The following FILIP1 variants were observed in gnomAD, a reference collection of about 807,000 sequenced individuals.
The protein encoded by FILIP1 is filamin A interacting protein 1.
A neutral mutation model predicts 102.1 loss-of-function variants in FILIP1; 61 were observed. The ratio of observed to expected loss-of-function variants is 0.60; its 90% CI spans 0.49 to 0.74. FILIP1 has a LOEUF of 0.74. Ranked by LOEUF, FILIP1 falls within the 30% of genes least tolerant of loss-of-function variation. The pLI, the probability that FILIP1 is intolerant of heterozygous loss-of-function variation, is 0.00. For missense variants in FILIP1, 1,314 were observed against 1,441.2 expected, an observed-to-expected ratio of 0.91 and a Z score of 1.43; for synonymous variants, 491 against 526.9, an observed-to-expected ratio of 0.93 and a Z score of 0.93.
At chr6:75,316,865 A>G (rs1271414674) in intron 4 of FILIP1, among the ~76,000 whole-genome samples, 1 of 152,190 alleles carries the variant, frequency 6.6e-6, no homozygotes, top group East Asian at 1.9e-4. Flanking sequence ...AAGTTGAAAC[A>G]AGTGAAATAA....
chr6:75,467,335 G>A (rs929181127), intron 1 of FILIP1, among the ~76,000 whole-genome samples: 3 of 152,092 alleles, frequency 2.0e-5, no homozygotes, highest in South Asian at 2.1e-4. Flanking sequence ...CATACATAAC[G>A]TAATTTAAAG....
chr6:75,372,773 AGAAAGAAAGAAAGAAAGAAAGAAG>A (rs1562516102), intron 2 of FILIP1, among the ~76,000 whole-genome samples: 7,694 of 95,474 alleles, frequency 0.081, 2,098 homozygotes, highest in South Asian at 0.15. Context: ...AAAGAAAGAA[AGAAAGAAAGAAAGAAAGAAAGAAG>A]GAAAGAAAGA....
chr6:75,416,583 A>G (rs1029613966), intron 1 of FILIP1, among the ~76,000 whole-genome samples: 4 of 91,850 alleles, frequency 4.4e-5, no homozygotes, highest in African/African-American at 1.0e-4. Flanking sequence ...TAAAGCCCCA[A>G]TCCAAAAAAA....
In FILIP1 at chr6:75,313,958, TC is replaced by T. The variant is rs1773320838; in HGVS notation, c.1873del (p.Glu625LysfsTer8). On this transcript the variant is annotated frameshift_variant, in exon 5 of 6. Transcript: ENST00000237172. LOFTEE classifies it high-confidence loss of function. The surrounding 1 kb of genome is among the most constrained non-coding windows in gnomAD (Gnocchi z 4.2). ...SRKGSELTCP[E>X]DNKIKELTLE... ...TGTTAGTTCCTTAATCTTATTATCT[TC>T]CGGGCAGGTGAGCTCAGACCCTTTT... 1 of 1,607,514 alleles carries T rather than the reference TC, an allele frequency of 6.2e-7. No homozygotes were observed. The highest frequency in any genetic ancestry group is 1.7e-5 in the Admixed American group (1 of 58,920).
chr6:75,372,198 T>C (rs1043738936), intron 2 of FILIP1, among the ~76,000 whole-genome samples: 1 of 151,818 alleles, frequency 6.6e-6, no homozygotes, highest in Admixed American at 6.6e-5. Flanking sequence ...AGAAACCCCG[T>C]CTCTACTAAA....
chr6:75,475,647 T>A (rs1321722794), intron 1 of FILIP1, among the ~76,000 whole-genome samples: 1 of 152,192 alleles, frequency 6.6e-6, no homozygotes, highest in African/African-American at 2.4e-5. Flanking sequence ...AACTATCAAG[T>A]ATTAGAAAAT....
chr6:75,319,425 G>A (rs1773563869), intron 4 of FILIP1: 5 of 622,782 alleles, frequency 8.0e-6, no homozygotes, highest in Non-Finnish European at 1.6e-5. Flanking sequence ...CCCTTTAGGA[G>A]GGCTATAGAT....
intron 1 of FILIP1, among the ~76,000 whole-genome samples, chr6:75,451,571 C>A (rs1352213097): frequency 2.0e-5 from 3 of 151,694 alleles, no homozygotes; most frequent in African/African-American, 7.2e-5. Flanking sequence ...TGGCTCCGGC[C>A]TGTTATCCCA....
chr6:75,336,517 A>G (rs560738248), intron 4 of FILIP1, among the ~76,000 whole-genome samples: 66 of 152,118 alleles, frequency 4.3e-4, no homozygotes, highest in African/African-American at 1.6e-3. Flanking sequence ...GAAAAAAAAA[A>G]GGGAATCAAG....
intron 5 of FILIP1, among the ~76,000 whole-genome samples, chr6:75,309,376 T>C (rs940007536): frequency 1.3e-5 from 2 of 152,198 alleles, no homozygotes; most frequent in Non-Finnish European, 2.9e-5. Context: ...CTCCTAACAC[T>C]GTCTTGCTGT....
chr6:75,314,490 C>A lies in FILIP1; in HGVS notation c.1342G>T (p.Glu448Ter). Reference sequence around the variant, plus strand: ...AGATTTAAATGTAGCTGGGTGCACTCAGATTTACTCTTGCTAAATGCTTCT... The same window carrying A: ...AGATTTAAATGTAGCTGGGTGCACTAAGATTTACTCTTGCTAAATGCTTCT... ...LEEAFSKSKS[E>*]CTQLHLNLEK... Residue 448 changes from glutamate (E) to a stop codon, truncating the protein, a stop_gained, in exon 5 of 6, where the codon GAG (glutamate) becomes TAG (stop). Coordinates refer to ENST00000237172, the MANE Select transcript of FILIP1 (RefSeq NM_015687.5). LOFTEE classifies it high-confidence loss of function. 1.2e-6 allele frequency: 2 copies of A among 1,605,156 alleles called. No individual in the cohort carries two copies. Among genetic ancestry groups the A allele is most frequent in the Non-Finnish European group, 1.7e-6 (2 of 1,177,748 alleles).
At chr6:75,349,307 G>A (rs145247176) in intron 4 of FILIP1, among the ~76,000 whole-genome samples, 3 of 152,244 alleles carry the variant, frequency 2.0e-5, no homozygotes, top group East Asian at 3.9e-4. Flanking sequence ...GGAGAACGGA[G>A]CTGAAATGCT....
intron 2 of FILIP1, among the ~76,000 whole-genome samples, chr6:75,382,720 C>T (rs766297063): frequency 2.3e-4 from 35 of 152,170 alleles, no homozygotes; most frequent in Admixed American, 5.2e-4. Context: ...CTCTAAAGGT[C>T]GCTACAGATC....
chr6:75,424,639 A>G (rs887316077), intron 1 of FILIP1, among the ~76,000 whole-genome samples: 4 of 152,196 alleles, frequency 2.6e-5, no homozygotes, highest in African/African-American at 9.6e-5. Context: ...CAACTGTACA[A>G]AATTTCCTGA....
At chr6:75,304,649 T>C (rs1159512159), downstream of FILIP1, among the ~76,000 whole-genome samples, 1 of 152,134 alleles carries the variant, frequency 6.6e-6, no homozygotes, top group Admixed American at 6.5e-5. Context: ...AGTGAGAAGG[T>C]TAAACCTTCA....
At chr6:75,400,119 G>C (rs1202108963) in intron 2 of FILIP1, among the ~76,000 whole-genome samples, 4 of 152,112 alleles carry the variant, frequency 2.6e-5, no homozygotes, top group Non-Finnish European at 5.9e-5. Context: ...CACTGTGACA[G>C]GTAGAAAACA....
intron 4 of FILIP1, among the ~76,000 whole-genome samples, chr6:75,324,827 T>C (rs555169827): frequency 6.6e-6 from 1 of 152,128 alleles, no homozygotes; most frequent in South Asian, 2.1e-4. Context: ...AACAAAAGCA[T>C]AAAGTGGGGA....
chr6:75,319,783 T>G (rs1773581642), intron 4 of FILIP1: 1 of 328,998 alleles, frequency 3.0e-6, no homozygotes, highest in Non-Finnish European at 5.7e-6. Flanking sequence ...TGAGCTGAGA[T>G]TGTGCCACTG....
chr6:75,397,844 C>T (rs1380240769), intron 2 of FILIP1: 2 of 152,094 alleles, frequency 1.3e-5, no homozygotes, highest in African/African-American at 4.8e-5. Flanking sequence ...CATAGACTTG[C>T]AAATGTACTT....
Sources: allele counts gnomAD v4.1 joint callset (sites outside exome capture counted in the v4.1 genomes callset), GRCh38; gene constraint gnomAD v4.1.1; non-coding constraint Gnocchi (gnomAD v3.1); transcripts MANE v1.5; gene names NCBI Gene and HGNC (gene_info 2026-07-23, HGNC 2026-07-21).